PIP5K1B: variants seen among roughly 807,000 people sequenced by gnomAD.
PIP5K1B encodes phosphatidylinositol 4-phosphate 5-kinase type-1 beta.
Under a neutral mutation model 67.0 loss-of-function variants are expected in PIP5K1B, and 42 were observed. That is an observed-to-expected ratio of 0.63 (90% CI 0.49 to 0.81). The LOEUF (loss-of-function observed/expected upper bound fraction) is 0.81, where lower values mean the gene tolerates loss of function less well. Among genes scored for constraint, PIP5K1B ranks in the 30% least tolerant of loss-of-function variants. The probability of loss-of-function intolerance (pLI) is 0.00; values close to 1 mark genes in which losing one functional copy is unlikely to be tolerated. For synonymous variants in PIP5K1B, 214 were observed against 231.4 expected (o/e 0.92, Z 0.68); for missense variants, 459 against 646.3 (o/e 0.71, Z 3.14).
intron 1 of PIP5K1B, among the ~76,000 whole-genome samples, chr9:68,721,745 G>GGAA (rs1409906756): frequency 6.6e-6 from 1 of 152,090 alleles, no homozygotes. Flanking sequence ...GTGTAAGTGT[G>GGAA]GAAGAGGCCA....
chr9:68,800,114 C>T (rs376975965), intron 2 of PIP5K1B, among the ~76,000 whole-genome samples: 1 of 152,130 alleles, frequency 6.6e-6, no homozygotes, highest in Non-Finnish European at 1.5e-5. Context: ...CATACATGAG[C>T]CTGGCCTTCC....
At chr9:68,842,836 T>G (rs527961771) in intron 4 of PIP5K1B, among the ~76,000 whole-genome samples, 7 of 152,330 alleles carry the variant, frequency 4.6e-5, no homozygotes, top group African/African-American at 1.7e-4. Context: ...TACAGGAATT[T>G]ATGACTTATC....
chr9:68,781,715 A>G (rs1831295096), intron 2 of PIP5K1B: 1 of 166,700 alleles, frequency 6.0e-6, no homozygotes, highest in African/African-American at 2.4e-5. Flanking sequence ...TCATACAACT[A>G]TAACTACTAT....
At chr9:68,793,627 A>G (rs1587461183) in intron 2 of PIP5K1B, among the ~76,000 whole-genome samples, 1 of 152,080 alleles carries the variant, frequency 6.6e-6, no homozygotes, top group African/African-American at 2.4e-5. Flanking sequence ...ATGGAAATCT[A>G]TGGGTGGAGT....
chr9:68,862,861 T>C (rs1272856566), intron 4 of PIP5K1B, among the ~76,000 whole-genome samples: 1 of 150,964 alleles, frequency 6.6e-6, no homozygotes, highest in Non-Finnish European at 1.5e-5. Flanking sequence ...AGGACCATAT[T>C]CTATCATAGA....
intron 4 of PIP5K1B, among the ~76,000 whole-genome samples, chr9:68,862,665 G>A (rs1823151365): frequency 6.6e-6 from 1 of 152,038 alleles, no homozygotes; most frequent in Non-Finnish European, 1.5e-5. Context: ...GGTGGTGCAT[G>A]CCTGTAGTCC....
At chr9:68,722,323 G>A (rs973315322) in intron 1 of PIP5K1B, among the ~76,000 whole-genome samples, 1 of 152,134 alleles carries the variant, frequency 6.6e-6, no homozygotes, top group Non-Finnish European at 1.5e-5. Context: ...TCTGGCCTCA[G>A]CCTTCTGAGT....
chr9:68,769,363 G>GT (rs201582403), intron 2 of PIP5K1B, among the ~76,000 whole-genome samples: 6 of 151,090 alleles, frequency 4.0e-5, no homozygotes, highest in South Asian at 2.1e-4. Context: ...CTTATACTGT[G>GT]TTTTTTTTTC....
chr9:68,713,188 CA>C (rs1827474932), intron 1 of PIP5K1B, among the ~76,000 whole-genome samples: 1 of 152,166 alleles, frequency 6.6e-6, no homozygotes, highest in Admixed American at 6.5e-5. Flanking sequence ...CACCTGAGGT[CA>C]GGGGTTTGAG....
chr9:68,888,731 C>G (rs1407554082), intron 6 of PIP5K1B, among the ~76,000 whole-genome samples: 1 of 152,168 alleles, frequency 6.6e-6, no homozygotes, highest in Non-Finnish European at 1.5e-5. Flanking sequence ...ATTCATGATT[C>G]TATCGCATGA....
intron 2 of PIP5K1B, chr9:68,789,288 G>A: frequency 2.4e-6 from 1 of 418,212 alleles, no homozygotes; most frequent in Admixed American, 3.0e-5. Context: ...ATTTGACTCG[G>A]TAGCCAACGA....
At chr9:68,719,978 T>G (rs185999123) in intron 1 of PIP5K1B, among the ~76,000 whole-genome samples, 2 of 152,216 alleles carry the variant, frequency 1.3e-5, no homozygotes, top group Admixed American at 6.5e-5. Context: ...CTTTCTGACC[T>G]TACATTTTTG....
chr9:68,862,448 G>A (rs1020903227), intron 4 of PIP5K1B, among the ~76,000 whole-genome samples: 22 of 152,226 alleles, frequency 1.4e-4, no homozygotes, highest in African/African-American at 4.6e-4. Context: ...TGCAATTATA[G>A]CAAATACAAT....
intron 2 of PIP5K1B, among the ~76,000 whole-genome samples, chr9:68,743,489 C>G (rs1442767593): frequency 6.6e-6 from 1 of 152,222 alleles, no homozygotes; most frequent in Non-Finnish European, 1.5e-5. Context: ...AGGCACGAGG[C>G]AGGCTTGGCC....
intron 4 of PIP5K1B, among the ~76,000 whole-genome samples, chr9:68,829,245 C>A (rs1834154563): frequency 6.6e-6 from 1 of 152,164 alleles, no homozygotes; most frequent in Admixed American, 6.5e-5. Context: ...CCTGACCATT[C>A]TTCTTTTCCT....
chr9:68,753,065 G>A (rs1189634475), intron 2 of PIP5K1B, among the ~76,000 whole-genome samples: 2 of 152,002 alleles, frequency 1.3e-5, no homozygotes, highest in East Asian at 1.9e-4. Context: ...TAAGGTGAGA[G>A]GTAGGGATCT....
chr9:68,780,932 C>T (rs1831230390), intron 2 of PIP5K1B: 2 of 1,614,034 alleles, frequency 1.2e-6, no homozygotes, highest in East Asian at 4.5e-5. Flanking sequence ...CTTCTTGTAA[C>T]TCACCAGCGA....
intron 2 of PIP5K1B, among the ~76,000 whole-genome samples, chr9:68,808,645 C>A (rs890377922): frequency 4.6e-5 from 7 of 152,154 alleles, no homozygotes; most frequent in African/African-American, 1.7e-4. Context: ...TTAGCACAAC[C>A]TTTGTTGGGA....
At chr9:68,780,405 C>T in intron 2 of PIP5K1B, 1 of 1,613,950 alleles carries the variant, frequency 6.2e-7, no homozygotes, top group Non-Finnish European at 8.5e-7. Flanking sequence ...TGTCCGCATG[C>T]ACAGCAGCCG....
Sources: gnomAD v4.1 joint callset for allele counts (sites outside exome capture counted in the v4.1 genomes callset) on GRCh38, gnomAD v4.1.1 for gene constraint, MANE v1.5 for transcripts, NCBI Gene and HGNC (gene_info 2026-07-23, HGNC 2026-07-21) for gene names.